RANBP2: variants seen among roughly 807,000 people sequenced by gnomAD.
RANBP2 encodes the protein RAN binding protein 2.
RANBP2 carries 57 observed loss-of-function variants against 303.6 expected under a neutral mutation model. The observed-to-expected ratio is 0.19, with a 90% CI of 0.15 to 0.23. The LOEUF (loss-of-function observed/expected upper bound fraction) is 0.23, where lower values mean the gene tolerates loss of function less well. Among genes scored for constraint, RANBP2 ranks in the 10% least tolerant of loss-of-function variants. RANBP2 has a pLI of 1.00. For synonymous variants in RANBP2, 1,167 were observed against 1,301.5 expected, an observed-to-expected ratio of 0.90 and a Z score of 2.23; for missense variants, 3,138 against 3,780.8, an observed-to-expected ratio of 0.83 and a Z score of 4.46.
chr2:109,433,925 T>A, the RANBP2 span, among the ~76,000 whole-genome samples: 10 of 152,324 alleles, frequency 6.6e-5, no homozygotes, highest in South Asian at 1.7e-3. Context: ...GGTGGCTACT[T>A]AGAGGGTGAG....
chr2:109,714,717 C>A, the RANBP2 span, among the ~76,000 whole-genome samples: 1 of 151,400 alleles, frequency 6.6e-6, no homozygotes, highest in East Asian at 1.9e-4. Flanking sequence ...TCAAGTGAGT[C>A]TCCTGCCTCA....
At chr2:109,372,636 G>A in the RANBP2 span, among the ~76,000 whole-genome samples, 8 of 152,202 alleles carry the variant, frequency 5.3e-5, no homozygotes, top group African/African-American at 7.2e-5. Context: ...TCCCACAGCC[G>A]AGGAGTGGCA....
the RANBP2 span, among the ~76,000 whole-genome samples, chr2:109,368,416 A>G: frequency 1.3e-5 from 2 of 152,206 alleles, no homozygotes; most frequent in Non-Finnish European, 1.5e-5. Context: ...TGGCATATAC[A>G]GTGGATTAGA....
the RANBP2 span, among the ~76,000 whole-genome samples, chr2:108,812,036 A>C: frequency 3.3e-5 from 5 of 152,272 alleles, no homozygotes; most frequent in East Asian, 9.6e-4. Context: ...GTAATATAAT[A>C]AAAAAATAAT....
At chr2:108,815,513 T>C in the RANBP2 span, among the ~76,000 whole-genome samples, 23 of 132,476 alleles carry the variant, frequency 1.7e-4, no homozygotes, top group African/African-American at 6.3e-4. Flanking sequence ...TTTGCCCAGA[T>C]TGGTGTGCAG....
At chr2:109,275,111 C>T in the RANBP2 span, among the ~76,000 whole-genome samples, 27 of 152,298 alleles carry the variant, frequency 1.8e-4, no homozygotes, top group Non-Finnish European at 3.4e-4. Context: ...ATGTGTTCCA[C>T]GCTTGTCTGC....
At chr2:109,550,930 A>G in the RANBP2 span, among the ~76,000 whole-genome samples, 1 of 152,230 alleles carries the variant, frequency 6.6e-6, no homozygotes, top group Non-Finnish European at 1.5e-5. Flanking sequence ...AAATGAAAAA[A>G]TTATTCCAAG....
downstream of RANBP2, chr2:108,786,994 T>TG (rs550943472): frequency 2.7e-4 from 272 of 992,510 alleles, 4 homozygotes; most frequent in East Asian, 8.3e-3. Flanking sequence ...GCAGCCGGCC[T>TG]GGGGGCGCGC....
At chr2:108,971,406 T>C in the RANBP2 span, among the ~76,000 whole-genome samples, 1 of 152,016 alleles carries the variant, frequency 6.6e-6, no homozygotes, top group East Asian at 1.9e-4. Flanking sequence ...CCCCAGGTGA[T>C]TTGCGTGCAA....
the RANBP2 span, among the ~76,000 whole-genome samples, chr2:108,811,801 T>C: frequency 6.6e-6 from 1 of 152,156 alleles, no homozygotes; most frequent in Non-Finnish European, 1.5e-5. Context: ...GTATCTGTTA[T>C]TTCCATCTTT....
At chr2:109,483,937 C>T in the RANBP2 span, among the ~76,000 whole-genome samples, 3 of 152,186 alleles carry the variant, frequency 2.0e-5, no homozygotes, top group Non-Finnish European at 2.9e-5. Flanking sequence ...CTTCAAGCCC[C>T]CCACAACCCC....
At chr2:108,815,473 T>TG in the RANBP2 span, among the ~76,000 whole-genome samples, 44 of 138,278 alleles carry the variant, frequency 3.2e-4, 1 homozygote, top group South Asian at 1.9e-3. Context: ...TTTTTTTTTT[T>TG]TTTTTTTTTT....
At chr2:108,839,103 A>G in the RANBP2 span, 1 of 1,397,068 alleles carries the variant, frequency 7.2e-7, no homozygotes, top group South Asian at 1.6e-5. Flanking sequence ...TTTAAAGATA[A>G]TTTTGGAAAA....
At chr2:109,103,289 G>A in the RANBP2 span, among the ~76,000 whole-genome samples, 1 of 152,352 alleles carries the variant, frequency 6.6e-6, no homozygotes, top group South Asian at 2.1e-4. Context: ...AGCCAAACAT[G>A]AGGACCAAGA....
At chr2:109,345,482 C>T in the RANBP2 span, among the ~76,000 whole-genome samples, 1 of 152,166 alleles carries the variant, frequency 6.6e-6, no homozygotes, top group Non-Finnish European at 1.5e-5. Context: ...GCTCTTATAA[C>T]ACGGCTTTTA....
the RANBP2 span, among the ~76,000 whole-genome samples, chr2:109,663,557 C>T: frequency 6.6e-6 from 1 of 152,162 alleles, no homozygotes; most frequent in Non-Finnish European, 1.5e-5. Context: ...TGCTAAATAA[C>T]TGAAAAGGAG....
the RANBP2 span, among the ~76,000 whole-genome samples, chr2:109,297,086 G>T: frequency 6.6e-6 from 1 of 152,048 alleles, no homozygotes; most frequent in East Asian, 1.9e-4. Flanking sequence ...CAGGTGGGGG[G>T]TGACCGGGAT....
the RANBP2 span, among the ~76,000 whole-genome samples, chr2:109,122,695 C>T: frequency 6.6e-6 from 1 of 152,108 alleles, no homozygotes; most frequent in African/African-American, 2.4e-5. Flanking sequence ...CATAGCGAGA[C>T]CTAGTCTCTA....
Position 108,764,570 on chromosome 2 carries a change from T to A in RANBP2, c.4031T>A (p.Phe1344Tyr), listed in dbSNP as rs755160668. 1 of 1,613,918 alleles carries A rather than the reference T, an allele frequency of 6.2e-7. No homozygotes were observed. The highest frequency in any genetic ancestry group is 1.7e-5 in the Admixed American group (1 of 59,978). The change falls in exon 20 of 29, where the codon TTT becomes TAT. Residue 1344 changes from phenylalanine to tyrosine, a missense_variant. Transcript: ENST00000283195. ...AAATCTGATGCTGGAAACCTGAATT[T>A]TGAATTTCAGGTTGCAAAGAAAGAA... The part of the protein sequence containing the change: ...ICKSDAGNLN[F>Y]EFQVAKKEGS...
Sources: allele counts gnomAD v4.1 joint callset (sites outside exome capture counted in the v4.1 genomes callset), GRCh38; gene constraint gnomAD v4.1.1; transcripts MANE v1.5; gene names NCBI Gene and HGNC (gene_info 2026-07-23, HGNC 2026-07-21).